Variants in ACACA observed in about 807,000 individuals in gnomAD.
ACACA encodes acetyl-CoA carboxylase 1.
Under a neutral mutation model 296.1 loss-of-function variants are expected in ACACA, and 103 were observed. The ratio of observed to expected loss-of-function variants is 0.35; its 90% CI spans 0.30 to 0.41. ACACA has a LOEUF of 0.41. Ranked by LOEUF, ACACA falls within the 10% of genes least tolerant of loss-of-function variation. The probability of loss-of-function intolerance (pLI) is 1.00; values close to 1 mark genes in which losing one functional copy is unlikely to be tolerated. For missense variants in ACACA, 1,554 were observed against 2,989.7 expected, an observed-to-expected ratio of 0.52 and a Z score of 11.20; for synonymous variants, 953 against 1,038.6, an observed-to-expected ratio of 0.92 and a Z score of 1.58.
chr17:37,314,285 G>C (rs1195670010), intron 3 of ACACA, among the ~76,000 whole-genome samples: 1 of 151,802 alleles, frequency 6.6e-6, no homozygotes, highest in African/African-American at 2.4e-5. Flanking sequence ...ATTTTTAGTA[G>C]AGATGAGGTT....
chr17:37,211,595 A>G (rs973072348), intron 29 of ACACA, among the ~76,000 whole-genome samples: 2 of 152,190 alleles, frequency 1.3e-5, no homozygotes, highest in Non-Finnish European at 2.9e-5. Context: ...TTTCTAGCAC[A>G]CAGAGGACTT....
intron 14 of ACACA, among the ~76,000 whole-genome samples, chr17:37,254,258 T>C (rs1394945869): frequency 6.6e-6 from 1 of 152,172 alleles, no homozygotes; most frequent in Non-Finnish European, 1.5e-5. Context: ...TACAGTTTCA[T>C]GAAAAATGTG....
At chr17:37,239,246 A>G (rs1173611132) in intron 24 of ACACA, among the ~76,000 whole-genome samples, 1 of 152,228 alleles carries the variant, frequency 6.6e-6, no homozygotes, top group African/African-American at 2.4e-5. Context: ...TAGATTTTAA[A>G]TAATTTAATA....
chr17:37,368,255 G>A (rs1374742501), intron 1 of ACACA, among the ~76,000 whole-genome samples: 1 of 150,718 alleles, frequency 6.6e-6, no homozygotes, highest in East Asian at 2.0e-4. Context: ...CTGGGTGACA[G>A]AGCGAGACTC....
At chr17:37,333,251 A>T (rs1310554385) in intron 2 of ACACA, among the ~76,000 whole-genome samples, 1 of 152,210 alleles carries the variant, frequency 6.6e-6, no homozygotes, top group Non-Finnish European at 1.5e-5. Context: ...ACTTCCAAGG[A>T]ACACCTATCA....
chr17:37,275,598 G>A (rs191797377), intron 8 of ACACA, among the ~76,000 whole-genome samples: 214 of 152,030 alleles, frequency 1.4e-3, no homozygotes, highest in African/African-American at 4.8e-3. Context: ...GCTACTCCCA[G>A]GCAGGTCTGA....
chr17:37,315,503 A>C (rs1426665584), intron 3 of ACACA, among the ~76,000 whole-genome samples: 1 of 152,200 alleles, frequency 6.6e-6, no homozygotes. Flanking sequence ...CAGTCCCACA[A>C]GACTGTCCCC....
At chr17:37,175,410 T>G (rs1233364076) in intron 41 of ACACA, among the ~76,000 whole-genome samples, 1 of 152,214 alleles carries the variant, frequency 6.6e-6, no homozygotes, top group Non-Finnish European at 1.5e-5. Flanking sequence ...AATTATAGCT[T>G]CCACCAAAAG....
intron 41 of ACACA, among the ~76,000 whole-genome samples, chr17:37,172,983 A>G (rs1180889540): frequency 6.6e-6 from 1 of 152,338 alleles, no homozygotes; most frequent in South Asian, 2.1e-4. Flanking sequence ...AAAGACTGAC[A>G]CTGACTCAAT....
At chr17:37,213,780 C>T (rs2145511711) in intron 29 of ACACA, among the ~76,000 whole-genome samples, 1 of 151,252 alleles carries the variant, frequency 6.6e-6, no homozygotes, top group Middle Eastern at 3.4e-3. Flanking sequence ...GGCTGGAGAG[C>T]TTGCTTCAAT....
In ACACA at chr17:37,162,071, A is replaced by T. The variant is rs529494623; in HGVS notation, c.5080-21T>A. 4.8e-5 allele frequency: 77 copies of T among 1,614,066 alleles called. 2 individuals carry two copies. In the South Asian group the frequency reaches 8.3e-4, roughly 17 times the overall value. ...CCAATCTGGAAAGGCATAAACAAAC[A>T]AATGAACAGAAGTTTCTTACAGGCA... On this transcript the variant is annotated intron_variant, in intron 41 of 55. Coordinates refer to ENST00000616317, the MANE Select transcript of ACACA (RefSeq NM_198834.3).
At chr17:37,286,914 T>C (rs1293481924) in intron 3 of ACACA, among the ~76,000 whole-genome samples, 5 of 152,238 alleles carry the variant, frequency 3.3e-5, no homozygotes, top group Admixed American at 2.6e-4. Context: ...CTACTTCCTC[T>C]AGTTATTAAC....
At chr17:37,337,824 G>A (rs562142862) in intron 2 of ACACA, among the ~76,000 whole-genome samples, 54 of 152,178 alleles carry the variant, frequency 3.5e-4, no homozygotes, top group African/African-American at 1.0e-3. Flanking sequence ...TCAGCTGGGC[G>A]CAGTGGCTCA....
In ACACA at chr17:37,097,050, G is replaced by A. The variant is rs1597803823; in HGVS notation, c.6837C>T (p.Gly2279=). The A allele has an allele frequency of 6.2e-7, 1 of 1,614,084 alleles. No individual in the cohort carries two copies. Among genetic ancestry groups the A allele is most frequent in the Non-Finnish European group, 8.5e-7 (1 of 1,180,026 alleles). The change falls in exon 54 of 56, where the codon GGC becomes GGT. Residue 2279 remains glycine (G), a synonymous_variant. Transcript: ENST00000616317. The surrounding 1 kb of genome is among the most constrained non-coding windows in gnomAD (Gnocchi z 4.8). ...IHNANPELTD[G]QIQAMLRRWF... ...AGCGCCTTAACATGGCTTGAATCTG[G>A]CCATCAGTCAGCTCAGGGTTGGCAT...
At chr17:37,225,309 A>G in intron 26 of ACACA, 1 of 530,602 alleles carries the variant, frequency 1.9e-6, no homozygotes, top group Non-Finnish European at 3.4e-6. Context: ...GACTCTCACC[A>G]TGATTTGCAT....
intron 3 of ACACA, among the ~76,000 whole-genome samples, chr17:37,324,214 A>G (rs1264968096): frequency 6.6e-6 from 1 of 151,986 alleles, no homozygotes; most frequent in Non-Finnish European, 1.5e-5. Context: ...TACAAATACA[A>G]AATTAGCCAG....
intron 41 of ACACA, among the ~76,000 whole-genome samples, chr17:37,167,119 ATTTTTT>A (rs11290127): frequency 3.8e-4 from 38 of 101,320 alleles, no homozygotes; most frequent in African/African-American, 4.8e-4. Flanking sequence ...TAATTTTTGC[ATTTTTT>A]TTTTTTTTTT....
At chr17:37,162,173 G>C in intron 41 of ACACA, 123 bp from the exon 42 acceptor site, 1 of 1,040,084 alleles carries the variant, frequency 9.6e-7, no homozygotes, top group Non-Finnish European at 1.4e-6. Context: ...CATTGCTAAA[G>C]AGCCAAACTC....
chr17:37,245,061 G>C lies in ACACA; in HGVS notation c.2595+19C>G. On this transcript the variant is annotated intron_variant, in intron 20 of 55. Coordinates refer to ENST00000616317, the MANE Select transcript of ACACA (RefSeq NM_198834.3). ...CTTTAGCTCTTAGAGAGCAATATTC[G>C]GAGCACCTTCCTACTCACCTGCTGA... The C allele has an allele frequency of 6.2e-7, 1 of 1,614,088 alleles. No homozygotes were observed. Among genetic ancestry groups the C allele is most frequent in the Non-Finnish European group, 8.5e-7 (1 of 1,180,006 alleles).
Sources: gnomAD v4.1 joint callset for allele counts (sites outside exome capture counted in the v4.1 genomes callset) on GRCh38, gnomAD v4.1.1 for gene constraint, Gnocchi (gnomAD v3.1) non-coding constraint, MANE v1.5 for transcripts, NCBI Gene and HGNC (gene_info 2026-07-23, HGNC 2026-07-21) for gene names.